DLGAP2: variants seen among roughly 807,000 people sequenced by gnomAD.
DLGAP2 encodes disks large-associated protein 2.
A neutral mutation model predicts 100.3 loss-of-function variants in DLGAP2; 26 were observed. The observed-to-expected ratio is 0.26, with a 90% CI of 0.19 to 0.36. The LOEUF is 0.36. DLGAP2 is among the 10% of genes least tolerant of loss of function. The pLI, the probability that DLGAP2 is intolerant of heterozygous loss-of-function variation, is 1.00. For synonymous variants in DLGAP2, 886 were observed against 630.1 expected (o/e 1.41, Z -6.08); for missense variants, 1,858 against 1,453.2 (o/e 1.28, Z -4.53).
intron 3 of DLGAP2, among the ~76,000 whole-genome samples, chr8:1,428,621 T>C (rs1797305021): frequency 6.6e-6 from 1 of 152,232 alleles, no homozygotes; most frequent in South Asian, 2.1e-4. Flanking sequence ...GGTACAGAAG[T>C]ATGCCTATGT....
At chr8:1,507,142 C>G (rs1256548831) in intron 4 of DLGAP2, among the ~76,000 whole-genome samples, 1 of 152,246 alleles carries the variant, frequency 6.6e-6, no homozygotes, top group Non-Finnish European at 1.5e-5. Context: ...GGCAGAGCTG[C>G]CTGCCAGGCG....
chr8:1,320,462 C>T (rs1800869224), intron 3 of DLGAP2, among the ~76,000 whole-genome samples: 2 of 152,034 alleles, frequency 1.3e-5, no homozygotes, highest in South Asian at 2.1e-4. Flanking sequence ...GTCTGTCTGC[C>T]GAGGCTGGGA....
intron 2 of DLGAP2, among the ~76,000 whole-genome samples, chr8:1,253,139 G>A (rs1270705114): frequency 2.6e-5 from 4 of 152,306 alleles, no homozygotes; most frequent in African/African-American, 7.2e-5. Flanking sequence ...TTGCATTCAT[G>A]GCTGGGTTGG....
At chr8:1,429,616 C>A (rs919583491) in intron 3 of DLGAP2, among the ~76,000 whole-genome samples, 1 of 151,954 alleles carries the variant, frequency 6.6e-6, no homozygotes, top group Non-Finnish European at 1.5e-5. Context: ...TCATCCACAG[C>A]CACTGAGAGG....
At chr8:1,202,748 G>A (rs746185081) in intron 2 of DLGAP2, among the ~76,000 whole-genome samples, 2 of 152,160 alleles carry the variant, frequency 1.3e-5, no homozygotes, top group Non-Finnish European at 2.9e-5. Flanking sequence ...ACCTGTGTGA[G>A]ATCCAGAGGC....
chr8:1,044,287 G>A (rs1025206052), intron 2 of DLGAP2, among the ~76,000 whole-genome samples: 6 of 152,166 alleles, frequency 3.9e-5, no homozygotes, highest in Non-Finnish European at 5.9e-5. Context: ...GAAAAGATGG[G>A]GGTTCATGAT....
At chr8:1,655,020 G>C (rs376399201) in intron 8 of DLGAP2, among the ~76,000 whole-genome samples, 19 of 152,230 alleles carry the variant, frequency 1.2e-4, no homozygotes, top group African/African-American at 4.3e-4. Flanking sequence ...CAGAGCAGCT[G>C]ACATCACTTC....
At chr8:1,610,751 C>T (rs1796969244) in intron 6 of DLGAP2, among the ~76,000 whole-genome samples, 1 of 146,702 alleles carries the variant, frequency 6.8e-6, no homozygotes, top group Non-Finnish European at 1.5e-5. Flanking sequence ...TCAGAGAATA[C>T]TACAAACACC....
chr8:1,297,257 A>G (rs1374520977), intron 3 of DLGAP2: 1 of 152,264 alleles, frequency 6.6e-6, no homozygotes, highest in African/African-American at 2.4e-5. Flanking sequence ...TGTATCCACA[A>G]ACAAATCTTA....
chr8:1,071,193 A>G (rs1391584807), intron 2 of DLGAP2, among the ~76,000 whole-genome samples: 2 of 152,174 alleles, frequency 1.3e-5, no homozygotes, highest in African/African-American at 2.4e-5. Context: ...GGTGCTTTCC[A>G]GTTTTAGCTT....
In DLGAP2 at chr8:820,587, C is replaced by G. The variant is rs554810624; in HGVS notation, c.18+82762C>G. 7.2e-5 allele frequency among the ~76,000 whole-genome samples: 11 copies of G among 152,258 alleles called. No individual in the cohort carries two copies. In the East Asian group the frequency reaches 2.1e-3, roughly 29 times the overall value. ...AAAAGGTCCCCAGACTCTAGGAAAA[C>G]AGTGAGAAACTATTTTTTTCCACCA... On this transcript the variant is annotated intron_variant, in intron 1 of 14. Coordinates refer to ENST00000637795, the MANE Select transcript of DLGAP2 (RefSeq NM_001346810.2).
rs542471644 is a variant in DLGAP2 at position 1,474,118 on chromosome 8, C to G, written c.107-27248C>G. On this transcript the variant is annotated intron_variant, in intron 3 of 14. Coordinates refer to ENST00000637795, the MANE Select transcript of DLGAP2 (RefSeq NM_001346810.2). ...TCATCGTTTAGCTCCCTCTTACAAG[C>G]AAGAACATTCAATATTTGGCTTTCC... Among the ~76,000 whole-genome samples the G allele has an allele frequency of 2.6e-5, 4 of 152,272 alleles. No individual in the cohort carries two copies. The South Asian group carries it at 8.3e-4, about 32-fold the overall frequency.
At position 1,385,348 on chromosome 8, in the gene DLGAP2, T is replaced by G. The variant is rs6994207; in HGVS notation, c.107-116018T>G. Reference sequence around the variant, plus strand: ...TGCACAATTACCCGGCCTGTGCCCGTCCCCTGAGAACTTGGTGCACAGTTA... The same window carrying G: ...TGCACAATTACCCGGCCTGTGCCCGGCCCCTGAGAACTTGGTGCACAGTTA... On this transcript the variant is annotated intron_variant, in intron 3 of 14. Coordinates refer to ENST00000637795, the MANE Select transcript of DLGAP2 (RefSeq NM_001346810.2). Among the ~76,000 whole-genome samples, 2 of 16,044 alleles carry G rather than the reference T, an allele frequency of 1.2e-4. 1 individual carries two copies. The highest frequency in any genetic ancestry group is 2.2e-4 in the Non-Finnish European group (2 of 9,040). The allele number at this position is 16,044 out of a possible 152,430, so 10.5% of individuals were successfully genotyped here.
intron 2 of DLGAP2, among the ~76,000 whole-genome samples, chr8:1,154,230 G>C (rs1295815603): frequency 6.6e-6 from 1 of 152,184 alleles, no homozygotes; most frequent in Non-Finnish European, 1.5e-5. Context: ...AAAGGGAAAA[G>C]AGAAAATGCC....
At chr8:1,528,939 C>A (rs985532122) in intron 4 of DLGAP2, among the ~76,000 whole-genome samples, 3 of 152,216 alleles carry the variant, frequency 2.0e-5, no homozygotes, top group Non-Finnish European at 4.4e-5. Context: ...CAGTTCTTTC[C>A]TCACTTATTG....
chr8:1,313,100 A>G (rs1800650796), intron 3 of DLGAP2, among the ~76,000 whole-genome samples: 1 of 152,204 alleles, frequency 6.6e-6, no homozygotes, highest in African/African-American at 2.4e-5. Context: ...GGACCCGGTC[A>G]GATATTTGAT....
chr8:1,020,222 A>C (rs1177661135), intron 2 of DLGAP2, among the ~76,000 whole-genome samples: 1 of 152,342 alleles, frequency 6.6e-6, no homozygotes, highest in Non-Finnish European at 1.5e-5. Context: ...TGCTTTAAAA[A>C]GTTTTCAGCT....
intron 3 of DLGAP2, among the ~76,000 whole-genome samples, chr8:1,477,523 C>T (rs978160678): frequency 2.0e-5 from 3 of 152,160 alleles, no homozygotes; most frequent in Non-Finnish European, 4.4e-5. Context: ...GGCTCAGAAA[C>T]GCAGCTGCAC....
chr8:768,962 G>T (rs934268881), intron 1 of DLGAP2, among the ~76,000 whole-genome samples: 7 of 152,092 alleles, frequency 4.6e-5, no homozygotes, highest in African/African-American at 1.4e-4. Flanking sequence ...TCCGCAGCCT[G>T]TGTGAGGGGG....
Sources: allele counts gnomAD v4.1 joint callset (sites outside exome capture counted in the v4.1 genomes callset), GRCh38; gene constraint gnomAD v4.1.1; transcripts MANE v1.5; gene names NCBI Gene and HGNC (gene_info 2026-07-23, HGNC 2026-07-21).